MBOAT2: variants seen among roughly 807,000 people sequenced by gnomAD.
The protein encoded by MBOAT2 is membrane-bound glycerophospholipid O-acyltransferase 2.
A neutral mutation model predicts 63.4 loss-of-function variants in MBOAT2; 28 were observed. The ratio of observed to expected loss-of-function variants is 0.44; its 90% CI spans 0.33 to 0.61. The LOEUF is 0.61. Among genes scored for constraint, MBOAT2 ranks in the 20% least tolerant of loss-of-function variants. MBOAT2 has a pLI of 0.03. For missense variants in MBOAT2, 470 were observed against 605.8 expected, an observed-to-expected ratio of 0.78 and a Z score of 2.35; for synonymous variants, 211 against 215.6, an observed-to-expected ratio of 0.98 and a Z score of 0.19.
In MBOAT2 at chr2:8,858,262, T is replaced by C. The variant is rs1401289125; in HGVS notation, c.*417A>G. Reference sequence around the variant, plus strand: ...CACAATATTACACTTGAAAATACCATTTAGGAACAATATTTTAGGAAATAG... The same window carrying C: ...CACAATATTACACTTGAAAATACCACTTAGGAACAATATTTTAGGAAATAG... On this transcript the variant is annotated 3_prime_UTR_variant, in exon 13 of 13. Transcript: ENST00000305997. 1 of 159,588 alleles carries C rather than the reference T, an allele frequency of 6.3e-6. No homozygotes were observed. The highest frequency in any genetic ancestry group is 1.4e-5 in the Non-Finnish European group (1 of 72,336). The allele number at this position is 159,588 out of a possible 1,614,324, so 9.9% of individuals were successfully genotyped here.
intron 3 of MBOAT2, among the ~76,000 whole-genome samples, chr2:8,933,395 C>A (rs1210849206): frequency 1.3e-5 from 2 of 152,162 alleles, no homozygotes; most frequent in East Asian, 1.9e-4. Context: ...GTTGCCCAGG[C>A]TGGAGTACAG....
At chr2:8,996,128 AAT>A (rs1672284701) in intron 1 of MBOAT2, among the ~76,000 whole-genome samples, 1 of 152,190 alleles carries the variant, frequency 6.6e-6, no homozygotes, top group Non-Finnish European at 1.5e-5. Flanking sequence ...AATGCACCGC[AAT>A]GGCTCGGCAG....
At chr2:8,896,103 G>A (rs1395351869) in intron 4 of MBOAT2, among the ~76,000 whole-genome samples, 2 of 152,068 alleles carry the variant, frequency 1.3e-5, no homozygotes, top group African/African-American at 4.8e-5. Flanking sequence ...TCCAGGCGTG[G>A]TGGCAGGCAC....
chr2:8,860,948 T>C (rs1448998781), intron 11 of MBOAT2, 184 bp from the exon 12 acceptor site: 5 of 479,136 alleles, frequency 1.0e-5, no homozygotes, highest in Admixed American at 3.9e-5. Context: ...ATACACATTG[T>C]ACACACTGTG....
chr2:8,973,367 C>T (rs1216531615), intron 1 of MBOAT2, among the ~76,000 whole-genome samples: 17 of 73,802 alleles, frequency 2.3e-4, no homozygotes, highest in South Asian at 4.2e-4. Context: ...CGGGGCCTGT[C>T]GTGGGGTGGG....
chr2:8,953,116 T>A (rs1668960694), intron 2 of MBOAT2, among the ~76,000 whole-genome samples: 1 of 152,186 alleles, frequency 6.6e-6, no homozygotes, highest in Non-Finnish European at 1.5e-5. Context: ...TTGTTCTTTG[T>A]TTCTGTGTTA....
chr2:8,994,550 C>A (rs1280388536), intron 1 of MBOAT2, among the ~76,000 whole-genome samples: 1 of 152,180 alleles, frequency 6.6e-6, no homozygotes, highest in Admixed American at 6.5e-5. Flanking sequence ...ATACCAGGGG[C>A]CTCTCTTCTC....
intron 1 of MBOAT2, among the ~76,000 whole-genome samples, chr2:8,966,189 C>T (rs1175219223): frequency 1.3e-5 from 2 of 152,142 alleles, no homozygotes; most frequent in African/African-American, 4.8e-5. Context: ...AAATGCGTAA[C>T]AAACTATACA....
chr2:8,973,552 TA>T (rs540916253), intron 1 of MBOAT2, among the ~76,000 whole-genome samples: 31,332 of 130,116 alleles, frequency 0.24, 5,017 homozygotes, highest in African/African-American at 0.49. Flanking sequence ...TAACTCAAGC[TA>T]AAAAAAAAAA....
At chr2:8,922,092 T>G (rs1234991855) in intron 3 of MBOAT2, among the ~76,000 whole-genome samples, 2 of 152,216 alleles carry the variant, frequency 1.3e-5, no homozygotes, top group African/African-American at 4.8e-5. Context: ...TTCTTCAGAT[T>G]GGCTAATACC....
chr2:8,873,226 A>C lies in MBOAT2; in HGVS notation c.765T>G (p.Pro255=). The C allele has an allele frequency of 6.2e-7, 1 of 1,614,220 alleles. No homozygotes were observed. The highest frequency in any genetic ancestry group is 8.5e-7 in the Non-Finnish European group (1 of 1,180,004). ...LFHLTICTTL[P]VEYNIDEHFQ... ...AATGCTCATCAATGTTGTACTCCAC[A>C]GGTAATGTTGTACAGATGGTCAAGT... is the stretch of plus-strand genomic sequence containing the variant. Residue 255 remains proline (P), a synonymous_variant, in exon 8 of 13, where the codon CCT becomes CCG. Coordinates refer to ENST00000305997, the MANE Select transcript of MBOAT2 (RefSeq NM_138799.4).
chr2:8,895,100 A>T (rs1254416170), intron 4 of MBOAT2, among the ~76,000 whole-genome samples: 1 of 152,250 alleles, frequency 6.6e-6, no homozygotes, highest in Non-Finnish European at 1.5e-5. Context: ...AGCAAGATTT[A>T]TTGTGAAGAG....
chr2:8,956,032 G>C (rs1669199013), intron 2 of MBOAT2, among the ~76,000 whole-genome samples: 1 of 152,086 alleles, frequency 6.6e-6, no homozygotes, highest in Non-Finnish European at 1.5e-5. Flanking sequence ...AGAATATAGG[G>C]TAAATATAAC....
At chr2:8,894,997 C>T (rs1206764005) in intron 4 of MBOAT2, among the ~76,000 whole-genome samples, 4 of 152,192 alleles carry the variant, frequency 2.6e-5, no homozygotes, top group Admixed American at 6.5e-5. Flanking sequence ...CCAGTGGGTT[C>T]GTGGTCTTGC....
In MBOAT2 at chr2:8,858,555, A is replaced by T. The variant is rs775693154; in HGVS notation, c.*124T>A. ...CAATCTGGTGTACAGGAAATTCCTT[A>T]TCTATAACTGTCCATTTCCCCCCAG... On this transcript the variant is annotated 3_prime_UTR_variant, in exon 13 of 13. Coordinates refer to ENST00000305997, the MANE Select transcript of MBOAT2 (RefSeq NM_138799.4). The T allele has an allele frequency of 5.8e-6, 4 of 691,008 alleles. No individual in the cohort carries two copies. The highest frequency in any genetic ancestry group is 4.8e-6 in the Non-Finnish European group (2 of 416,246). The allele number at this position is 691,008 out of a possible 1,614,324, so 42.8% of individuals were successfully genotyped here.
chr2:8,894,918 G>T (rs1370006378), intron 4 of MBOAT2, among the ~76,000 whole-genome samples: 1 of 151,940 alleles, frequency 6.6e-6, no homozygotes, highest in Non-Finnish European at 1.5e-5. Context: ...CCGACTTCAG[G>T]AGTGAAGCTG....
At chr2:8,872,891 T>A (rs1558558089) in intron 8 of MBOAT2, among the ~76,000 whole-genome samples, 1 of 152,254 alleles carries the variant, frequency 6.6e-6, no homozygotes, top group Non-Finnish European at 1.5e-5. Context: ...TTGTCTTTCA[T>A]TGATCCATGT....
In MBOAT2 at chr2:8,858,411, G is replaced by C. The variant is rs1572897760; in HGVS notation, c.*268C>G. The C allele has an allele frequency of 2.9e-6, 1 of 344,270 alleles. No individual in the cohort carries two copies. Among genetic ancestry groups the C allele is most frequent in the East Asian group, 4.6e-5 (1 of 21,510 alleles). 21.3% of individuals were successfully genotyped at this position (344,270 alleles called of 1,614,324 possible). A position where few individuals can be genotyped will look rare whatever the true frequency, so the allele number is the denominator to read the frequency against. The stretch of plus-strand genomic sequence containing the variant: ...CAACATACATTCAGCAACAGGGCAC[G>C]CGTGTGACCCTACGGACAAGTGCTG... On this transcript the variant is annotated 3_prime_UTR_variant, in exon 13 of 13. Transcript: ENST00000305997.
chr2:8,888,591 GA>G (rs969752679), intron 4 of MBOAT2, among the ~76,000 whole-genome samples: 1 of 151,932 alleles, frequency 6.6e-6, no homozygotes, highest in Non-Finnish European at 1.5e-5. Flanking sequence ...AAAATCATAA[GA>G]AAAAAATGGC....
Sources: allele counts gnomAD v4.1 joint callset (sites outside exome capture counted in the v4.1 genomes callset), GRCh38; gene constraint gnomAD v4.1.1; transcripts MANE v1.5; gene names NCBI Gene and HGNC (gene_info 2026-07-23, HGNC 2026-07-21).